MAP3K7: variants seen among roughly 807,000 people sequenced by gnomAD.
MAP3K7 encodes the protein TGF-beta activated kinase 1.
Under a neutral mutation model 84.8 loss-of-function variants are expected in MAP3K7, and 21 were observed. The observed-to-expected ratio is 0.25, with a 90% CI of 0.18 to 0.36. The LOEUF is 0.36. MAP3K7 is among the 10% of genes least tolerant of loss of function. The pLI is 1.00. For synonymous variants in MAP3K7, 241 were observed against 247.7 expected (o/e 0.97, Z 0.25); for missense variants, 503 against 747.7 (o/e 0.67, Z 3.82).
chr6:90,585,829 A>G (rs1311796165), intron 1 of MAP3K7, among the ~76,000 whole-genome samples: 1 of 152,218 alleles, frequency 6.6e-6, no homozygotes, highest in Non-Finnish European at 1.5e-5. Context: ...TACTTGAAAC[A>G]TCTTTTGATC....
At chr6:90,536,543 G>T in intron 12 of MAP3K7, 142 bp from the exon 13 acceptor site, 1 of 588,470 alleles carries the variant, frequency 1.7e-6, no homozygotes, top group South Asian at 2.1e-5. Context: ...TGAGTTTATT[G>T]CTAAGAAAAA....
At chr6:90,586,613 C>T in intron 1 of MAP3K7, 151 bp downstream of exon 1, 5 of 1,023,848 alleles carry the variant, frequency 4.9e-6, no homozygotes, top group Non-Finnish European at 6.8e-6. Context: ...CCCCCACTCC[C>T]ACGTTACTGA....
Position 90,544,597 on chromosome 6 carries a change from C to G in MAP3K7, c.1246G>C (p.Ala416Pro). 6.2e-7 allele frequency: 1 copy of G among 1,612,516 alleles called. No homozygotes were observed. Among genetic ancestry groups the G allele is most frequent in the Non-Finnish European group, 8.5e-7 (1 of 1,178,916 alleles). ...ACATCCAGAATGTTGCCAAATGAAG[C>G]AGTTTTACGGTGGCCCCGTTTAGGC... Reference protein sequence around the residue: ...SKPKRGHRKTASFGNILDVPE... With the variant: ...SKPKRGHRKTPSFGNILDVPE... The change falls in exon 12 of 17, where the codon GCT (alanine) becomes CCT (proline). Residue 416 changes from alanine (A) to proline (P), a missense_variant. Transcript: ENST00000369329.
chr6:90,584,711 G>GT (rs1432745114), intron 1 of MAP3K7, among the ~76,000 whole-genome samples: 3 of 152,134 alleles, frequency 2.0e-5, no homozygotes, highest in Admixed American at 1.3e-4. Context: ...ACCAAATGAA[G>GT]TAAGTTTGTG....
intron 13 of MAP3K7, among the ~76,000 whole-genome samples, chr6:90,528,080 G>A (rs1465776154): frequency 1.4e-4 from 3 of 21,338 alleles, no homozygotes; most frequent in Non-Finnish European, 3.1e-4. Context: ...GGGTTTCACC[G>A]TGTTAGCCAG....
chr6:90,579,552 G>C (rs1777196988), intron 1 of MAP3K7, among the ~76,000 whole-genome samples: 1 of 152,144 alleles, frequency 6.6e-6, no homozygotes, highest in South Asian at 2.1e-4. Flanking sequence ...AACTGCCTTT[G>C]AGACTAAGGG....
intron 13 of MAP3K7, among the ~76,000 whole-genome samples, chr6:90,534,785 G>C (rs1235630670): frequency 6.6e-6 from 1 of 152,184 alleles, no homozygotes; most frequent in Non-Finnish European, 1.5e-5. Context: ...CTTAGGACAA[G>C]CTTCTCATTC....
At chr6:90,568,872 A>C (rs1286927397) in intron 2 of MAP3K7, among the ~76,000 whole-genome samples, 1 of 152,190 alleles carries the variant, frequency 6.6e-6, no homozygotes, top group Non-Finnish European at 1.5e-5. Flanking sequence ...AAATAATTAA[A>C]TCAATGTGCA....
chr6:90,567,267 T>C (rs1409026430), intron 3 of MAP3K7, among the ~76,000 whole-genome samples: 1 of 152,124 alleles, frequency 6.6e-6, no homozygotes, highest in Non-Finnish European at 1.5e-5. Context: ...ATCATCAGAG[T>C]GAACACGCAA....
chr6:90,524,656 T>C (rs1435723800), intron 13 of MAP3K7, among the ~76,000 whole-genome samples: 1 of 152,160 alleles, frequency 6.6e-6, no homozygotes, highest in Non-Finnish European at 1.5e-5. Context: ...TTTTCAAGCA[T>C]GTATTTTTGG....
chr6:90,556,714 G>A lies in MAP3K7; in HGVS notation c.483-90C>T, dbSNP rs1476624402. ...AAGAGACATTTGTGGAAATGGAAAAGGTTAAGCAAAATGAATGTTATCATT... is the reference window on the plus strand; with the variant it reads ...AAGAGACATTTGTGGAAATGGAAAAAGTTAAGCAAAATGAATGTTATCATT... On this transcript the variant is annotated intron_variant, in intron 5 of 16. Coordinates refer to ENST00000369329, the MANE Select transcript of MAP3K7 (RefSeq NM_145331.3). 4.0e-5 allele frequency: 53 copies of A among 1,321,630 alleles called. No homozygotes were observed. In the Middle Eastern group the frequency reaches 5.8e-4, roughly 14 times the overall value. The allele number at this position is 1,321,630 out of a possible 1,614,324, so 81.9% of individuals were successfully genotyped here. A position where few individuals can be genotyped will look rare whatever the true frequency, so the allele number is the denominator to read the frequency against.
At chr6:90,518,035 C>T (rs1016579255) in intron 16 of MAP3K7, among the ~76,000 whole-genome samples, 2 of 151,738 alleles carry the variant, frequency 1.3e-5, no homozygotes, top group Admixed American at 6.6e-5. Context: ...CAGAAAAACA[C>T]TCAGTTATGA....
At chr6:90,518,678 T>TA in intron 15 of MAP3K7, 116 bp from the exon 16 acceptor site, 1 of 648,976 alleles carries the variant, frequency 1.5e-6, no homozygotes, top group Non-Finnish European at 2.7e-6. Context: ...AATGATCTTT[T>TA]AAAAATAAGT....
intron 1 of MAP3K7, among the ~76,000 whole-genome samples, chr6:90,575,391 T>C (rs1467734664): frequency 6.6e-6 from 1 of 152,106 alleles, no homozygotes; most frequent in African/African-American, 2.4e-5. Flanking sequence ...AAAAGACTCA[T>C]ACCCTTCTCT....
In MAP3K7 at chr6:90,544,632, G is replaced by A. The variant is rs752610893; in HGVS notation, c.1211C>T (p.Ala404Val). The change falls in exon 12 of 17, where the codon GCC becomes GTC. Residue 404 changes from alanine to valine, a missense_variant and splice_region_variant. Ala to Val is a moderately conservative substitution (Grantham distance 64). Around this residue, in one of 5 missense-constraint regions of MAP3K7, gnomAD observed 286 missense variants for 313.6 expected, o/e 0.91. Coordinates refer to ENST00000369329, the MANE Select transcript of MAP3K7 (RefSeq NM_145331.3). ...EIEARIAATT[A>V]YSKPKRGHRK... Reference sequence around the variant, plus strand: ...GTGGCCCCGTTTAGGCTTGGAATAGGCTGCAAAAACACATATATACAGTAT... The same window carrying A: ...GTGGCCCCGTTTAGGCTTGGAATAGACTGCAAAAACACATATATACAGTAT... 24 of 1,611,986 alleles carry A rather than the reference G, an allele frequency of 1.5e-5. No individual in the cohort carries two copies. In the South Asian group the frequency reaches 2.6e-4, roughly 18 times the overall value.
intron 1 of MAP3K7, among the ~76,000 whole-genome samples, chr6:90,583,295 T>C (rs1777340345): frequency 6.6e-6 from 1 of 152,144 alleles, no homozygotes; most frequent in Non-Finnish European, 1.5e-5. Flanking sequence ...CCCTTTCCCA[T>C]ATTAGGTTTG....
intron 13 of MAP3K7, among the ~76,000 whole-genome samples, chr6:90,526,907 T>C (rs977188875): frequency 3.3e-5 from 5 of 151,964 alleles, no homozygotes; most frequent in Non-Finnish European, 4.4e-5. Context: ...AAAATCAATA[T>C]GTAAGGACAG....
chr6:90,520,613 G>T (rs1040851617), intron 14 of MAP3K7, among the ~76,000 whole-genome samples: 2 of 151,840 alleles, frequency 1.3e-5, no homozygotes, highest in African/African-American at 4.8e-5. Context: ...ATTCCATATT[G>T]AAAAAGTAAT....
chr6:90,552,770 C>T (rs1231467704), intron 7 of MAP3K7, among the ~76,000 whole-genome samples: 1 of 152,058 alleles, frequency 6.6e-6, no homozygotes. Context: ...TGGTTAAAAA[C>T]AACATTACCA....
Sources: allele counts gnomAD v4.1 joint callset (sites outside exome capture counted in the v4.1 genomes callset), GRCh38; gene constraint gnomAD v4.1.1; regional missense constraint gnomAD v4.1.1; transcripts MANE v1.5; gene names NCBI Gene and HGNC (gene_info 2026-07-23, HGNC 2026-07-21).